The following AIFM3 variants were observed in gnomAD, a reference collection of about 807,000 sequenced individuals.
The protein encoded by AIFM3 is AIF family member 3.
Under a neutral mutation model 82.7 loss-of-function variants are expected in AIFM3, and 71 were observed. The observed-to-expected ratio is 0.86, with a 90% confidence interval of 0.71 to 1.05. The LOEUF is 1.05. AIFM3 is among the 50% of genes least tolerant of loss of function. The pLI is 0.00. For synonymous variants in AIFM3, 337 were observed against 329.1 expected (o/e 1.02, Z -0.26); for missense variants, 748 against 816.7 (o/e 0.92, Z 1.03).
intron 2 of AIFM3, among the ~76,000 whole-genome samples, chr22:20,969,464 CCTT>C (rs894566194): frequency 2.0e-5 from 3 of 151,978 alleles, no homozygotes; most frequent in African/African-American, 7.3e-5. Context: ...AGAGTTCACT[CCTT>C]CTCCCATGCT....
upstream of AIFM3, among the ~76,000 whole-genome samples, chr22:20,965,675 G>A (rs1286959556): frequency 6.6e-6 from 1 of 152,174 alleles, no homozygotes; most frequent in Non-Finnish European, 1.5e-5. Flanking sequence ...GAAGCCACTG[G>A]GAGTCCGATC....
chr22:20,976,682 G>A lies in AIFM3; in HGVS notation c.1062G>A (p.Lys354=), dbSNP rs1463085012. 6 of 1,609,736 alleles carry A rather than the reference G, an allele frequency of 3.7e-6. No homozygotes were observed. The African/African-American group carries it at 5.3e-5, about 14-fold the overall frequency. ...GMEVAAYLTE[K]AHSVSVVELE... is the part of the protein sequence containing the mutation. ...AGGTGGCCGCTTACCTGACGGAGAA[G>A]GCCCACTCTGTGTCTGTGGTGGAGC... is the stretch of plus-strand genomic sequence containing the variant. Residue 354 remains lysine (K), a synonymous_variant, in exon 12 of 21, where the codon AAG becomes AAA. Coordinates refer to ENST00000440238, the MANE Select transcript of AIFM3 (RefSeq NM_001386814.1).
intron 14 of AIFM3, 107 bp from the exon 15 acceptor site, chr22:20,977,593 G>A: frequency 7.1e-7 from 1 of 1,406,518 alleles, no homozygotes; most frequent in Non-Finnish European, 1.0e-6. Context: ...GACAGCCCCT[G>A]GAGGATCAGT....
intron 6 of AIFM3, 33 bp from the exon 7 acceptor site, chr22:20,974,492 G>A: frequency 1.3e-6 from 2 of 1,596,450 alleles, no homozygotes; most frequent in African/African-American, 1.3e-5. Flanking sequence ...TGCAGAGGAT[G>A]GCAGTGACCC....
chr22:20,966,056 T>C (rs1922870102), upstream of AIFM3, among the ~76,000 whole-genome samples: 1 of 152,124 alleles, frequency 6.6e-6, no homozygotes, highest in South Asian at 2.1e-4. Flanking sequence ...TAGCACACAG[T>C]AGGCCGAAGG....
intron 19 of AIFM3, 140 bp from the exon 20 acceptor site, chr22:20,980,607 G>T: frequency 9.7e-7 from 1 of 1,034,634 alleles, no homozygotes; most frequent in Non-Finnish European, 1.5e-6. Context: ...AGGGACTGGG[G>T]ACAGCCTGGA....
rs140711648 is a variant in AIFM3 at position 20,974,781 on chromosome 22, C to T, written c.685C>T (p.Arg229Trp). The T allele has an allele frequency of 2.4e-4, 384 of 1,613,128 alleles. No individual in the cohort carries two copies. Among genetic ancestry groups the T allele is most frequent in the Non-Finnish European group, 2.9e-4 (346 of 1,179,918 alleles). ...SDRIVLCTLD[R>W]HLPYDRPKLS... ...CCGGATCGTCCTGTGCACGCTAGAC[C>T]GGCACCTTCCCTACGACCGTCCCAA... is the stretch of plus-strand genomic sequence containing the variant. Residue 229 changes from arginine to tryptophan, a missense_variant, in exon 8 of 21, where the codon CGG (arginine) becomes TGG (tryptophan). By Grantham distance (101) the Arg-to-Trp change is moderately radical. This residue lies in a region of AIFM3 where 393 missense variants were observed against 481.1 expected (regional missense o/e 0.82). Transcript: ENST00000440238.
Position 20,976,488 on chromosome 22 carries a change from T to A in AIFM3, c.980T>A (p.Val327Glu), listed in dbSNP as rs1923674545. The A allele has an allele frequency of 6.2e-7, 1 of 1,613,698 alleles. No individual in the cohort carries two copies. The change falls in exon 11 of 21, where the codon GTG (valine) becomes GAG (glutamate). Residue 327 changes from valine to glutamate, a missense_variant. Physicochemically the swap from Val to Glu is moderately radical, Grantham distance 121. Around this residue, in one of 5 missense-constraint regions of AIFM3, gnomAD observed 393 missense variants for 481.1 expected, o/e 0.82. Coordinates refer to ENST00000440238, the MANE Select transcript of AIFM3 (RefSeq NM_001386814.1). ...ACGCCAGAGGATGCCAATCGCGTGG[T>A]GAGGCTGGCCCGAGGCCGCAACGTG... ...IRTPEDANRV[V>E]RLARGRNVVV...
At chr22:20,966,032 G>A (rs1922866543), upstream of AIFM3, among the ~76,000 whole-genome samples, 2 of 152,272 alleles carry the variant, frequency 1.3e-5, no homozygotes, top group South Asian at 4.1e-4. Context: ...GGGTGACTGG[G>A]CTCCAAGCCG....
intron 12 of AIFM3, 44 bp from the exon 13 acceptor site, chr22:20,976,823 G>A: frequency 6.3e-7 from 1 of 1,593,430 alleles, no homozygotes; most frequent in Non-Finnish European, 8.6e-7. Flanking sequence ...CCGGCCCCTG[G>A]CTGGGCTCTC....
chr22:20,977,163 TG>T, intron 14 of AIFM3, 68 bp downstream of exon 14: 1 of 1,600,088 alleles, frequency 6.2e-7, no homozygotes, highest in Non-Finnish European at 8.5e-7. Context: ...CATGTGACCT[TG>T]GGCTAGTCCC....
chr22:20,974,318 C>G, intron 6 of AIFM3, 22 bp downstream of exon 6: 1 of 1,612,030 alleles, frequency 6.2e-7, no homozygotes, highest in Non-Finnish European at 8.5e-7. Context: ...GCTCGGGGCT[C>G]AGGCAGAAGG....
At chr22:20,965,839 G>T (rs1405286990), upstream of AIFM3, among the ~76,000 whole-genome samples, 2 of 152,100 alleles carry the variant, frequency 1.3e-5, no homozygotes, top group Non-Finnish European at 2.9e-5. Flanking sequence ...GAGTAATCCA[G>T]TCCCGCCTCA....
At chr22:20,977,126 A>G in intron 14 of AIFM3, 31 bp downstream of exon 14, 1 of 1,613,278 alleles carries the variant, frequency 6.2e-7, no homozygotes. Flanking sequence ...GCAGGCACAA[A>G]GCAGCCCAGC....
Position 20,980,219 on chromosome 22 carries a change from G to A in AIFM3, c.1757+95G>A. On this transcript the variant is annotated intron_variant, in intron 19 of 20. Transcript: ENST00000440238. ...AGCCAGCCGCCCCCACAACCCTCCAGGGCCTTTCCCCTCTTGGTTTGCATC... is the reference window on the plus strand; with the variant it reads ...AGCCAGCCGCCCCCACAACCCTCCAAGGCCTTTCCCCTCTTGGTTTGCATC... The A allele has an allele frequency of 2.6e-6, 3 of 1,136,086 alleles. No individual in the cohort carries two copies. The South Asian group carries it at 4.3e-5, about 16-fold the overall frequency. 70.4% of individuals were successfully genotyped at this position (1,136,086 alleles called of 1,614,324 possible). A position where few individuals can be genotyped will look rare whatever the true frequency, so the allele number is the denominator to read the frequency against.
chr22:20,969,503 C>T (rs178258), intron 2 of AIFM3, among the ~76,000 whole-genome samples: 131,479 of 151,612 alleles, frequency 0.87, 58,182 homozygotes, highest in Non-Finnish European at 0.97. Context: ...GATCTCGGCT[C>T]ACTGCAAGCT....
chr22:20,968,043 C>A lies in AIFM3; in HGVS notation c.31+68C>A, dbSNP rs922679770. ...CGCCTCCTCCTCCCCCGTCTCCCCC[C>A]CCTCCCCCTCTGCACTCGGTAGGCC... On this transcript the variant is annotated intron_variant, in intron 2 of 20. Transcript: ENST00000440238. 5.4e-5 allele frequency: 80 copies of A among 1,489,352 alleles called. No individual in the cohort carries two copies. The African/African-American group carries it at 7.8e-4, about 15-fold the overall frequency. 92.3% of individuals were successfully genotyped at this position (1,489,352 alleles called of 1,614,324 possible).
rs1474068075 is a variant in AIFM3, at chr22:20,979,628, C to T, written c.1578C>T (p.Gly526=). ...GCCACCCACCTGCCCGGCCCACAGG[C>T]TACGGAGAAGGCTTCGACGACGTCA... The part of the protein sequence containing the change: ...AMFGKSLRYA[G]YGEGFDDVII... Residue 526 remains glycine (G), a splice_region_variant and synonymous_variant, in exon 18 of 21, where the codon GGC becomes GGT. Coordinates refer to ENST00000440238, the MANE Select transcript of AIFM3 (RefSeq NM_001386814.1). 1.9e-6 allele frequency: 3 copies of T among 1,614,162 alleles called. No individual in the cohort carries two copies. Among genetic ancestry groups the T allele is most frequent in the Admixed American group, 1.7e-5 (1 of 60,032 alleles).
Position 20,979,277 on chromosome 22 carries a change from T to C in AIFM3, c.1484T>C (p.Val495Ala). Residue 495 changes from valine (V) to alanine (A), a missense_variant, in exon 17 of 21, where the codon GTG (valine) becomes GCG (alanine). Physicochemically the swap from Val to Ala is moderately conservative, Grantham distance 64. Transcript: ENST00000440238. ...HWQMAHAQGR[V>A]AAQNMLAQEA... ...ACGGCCCTGGGTCCCGCAGGGCGCG[T>C]GGCAGCCCAGAACATGTTGGCGCAG... 2 of 1,555,786 alleles carry C rather than the reference T, an allele frequency of 1.3e-6. No homozygotes were observed. Among genetic ancestry groups the C allele is most frequent in the Non-Finnish European group, 1.7e-6 (2 of 1,149,286 alleles).
Sources: gnomAD v4.1 joint callset for allele counts (sites outside exome capture counted in the v4.1 genomes callset) on GRCh38, gnomAD v4.1.1 for gene constraint, gnomAD v4.1.1 regional missense constraint, MANE v1.5 for transcripts, NCBI Gene and HGNC (gene_info 2026-07-23, HGNC 2026-07-21) for gene names.